GPR180: variants seen among roughly 807,000 people sequenced by gnomAD.
The protein encoded by GPR180 is integral membrane protein GPR180.
In GPR180, 53 loss-of-function variants were observed where a neutral mutation model predicts 52.6. That is an observed-to-expected ratio of 1.01 (90% CI 0.81 to 1.27). The LOEUF (loss-of-function observed/expected upper bound fraction) is 1.27, where lower values mean the gene tolerates loss of function less well. Among genes scored for constraint, GPR180 ranks in the 50% most tolerant of loss-of-function variants. The pLI is 0.00. For missense variants in GPR180, 533 were observed against 527.0 expected (o/e 1.01, Z -0.11); for synonymous variants, 200 against 193.1 (o/e 1.04, Z -0.30).
rs754441534 is a variant in GPR180 at position 94,605,562 on chromosome 13, T to C, written c.304+13T>C. On this transcript the variant is annotated intron_variant, in intron 2 of 8. Coordinates refer to ENST00000376958, the MANE Select transcript of GPR180 (RefSeq NM_180989.6). Reference sequence around the variant, plus strand: ...GCTCAGTTGACAAGTGAGTATATCCTTTTTTCTTTGATCATTAGATATAGT... The same window carrying C: ...GCTCAGTTGACAAGTGAGTATATCCCTTTTTCTTTGATCATTAGATATAGT... 2 of 1,599,438 alleles carry C rather than the reference T, an allele frequency of 1.3e-6. No homozygotes were observed. Among genetic ancestry groups the C allele is most frequent in the African/African-American group, 1.3e-5 (1 of 74,378 alleles).
intron 1 of GPR180, among the ~76,000 whole-genome samples, chr13:94,603,764 A>G (rs933692916): frequency 3.9e-5 from 6 of 152,160 alleles, no homozygotes; most frequent in Non-Finnish European, 8.8e-5. Flanking sequence ...TTCCAGGAGA[A>G]TAGAAGATCT....
Position 94,627,874 on chromosome 13 carries a change from A to G in GPR180, c.*703A>G, listed in dbSNP as rs940887844. On this transcript the variant is annotated 3_prime_UTR_variant, in exon 9 of 9. Coordinates refer to ENST00000376958, the MANE Select transcript of GPR180 (RefSeq NM_180989.6). The stretch of plus-strand genomic sequence containing the variant: ...GGTTGTAAGGACAAAGGATTTTAAA[A>G]TCTGAGCACTTAGGTGAAGGGACAA... The G allele has an allele frequency of 2.6e-5, 4 of 152,542 alleles. No homozygotes were observed. The highest frequency in any genetic ancestry group is 5.9e-5 in the Non-Finnish European group (4 of 67,962). The allele number at this position is 152,542 out of a possible 1,614,324, so 9.4% of individuals were successfully genotyped here. A position where few individuals can be genotyped will look rare whatever the true frequency, so the allele number is the denominator to read the frequency against.
rs6492724 is a variant in GPR180, at chr13:94,631,178, A to G, written c.*4007A>G. On this transcript the variant is annotated 3_prime_UTR_variant, in exon 9 of 9. Transcript: ENST00000376958. ...GTGCCAGCTTCTGCTGGACAACTCC[A>G]TCATTCACACTGGAGGATTAGAGGC... 59,577 of 151,924 alleles carry G rather than the reference A, an allele frequency of 0.39. 14,791 individuals are homozygous for G. Among genetic ancestry groups the G allele is most frequent in the African/African-American group, 0.7 (28,948 of 41,398 alleles). 9.4% of individuals were successfully genotyped at this position (151,924 alleles called of 1,614,324 possible). A position where few individuals can be genotyped will look rare whatever the true frequency, so the allele number is the denominator to read the frequency against.
rs1171197959 is a variant in GPR180, at chr13:94,633,334, CAAAACA to C, written c.*6170_*6175del. On this transcript the variant is annotated 3_prime_UTR_variant, in exon 9 of 9. Coordinates refer to ENST00000376958, the MANE Select transcript of GPR180 (RefSeq NM_180989.6). ...ATTGCAAATATCCTGATGATCCGTGCAAAACAAAAACACTTAACAGAAAATTACGTT... is the reference window on the plus strand; with the variant it reads ...ATTGCAAATATCCTGATGATCCGTGCAAAACACTTAACAGAAAATTACGTT... 1 of 152,040 alleles carries C rather than the reference CAAAACA, an allele frequency of 6.6e-6. No individual in the cohort carries two copies. Among genetic ancestry groups the C allele is most frequent in the Non-Finnish European group, 1.5e-5 (1 of 67,994 alleles). The allele number at this position is 152,040 out of a possible 1,614,324, so 9.4% of individuals were successfully genotyped here. A position where few individuals can be genotyped will look rare whatever the true frequency, so the allele number is the denominator to read the frequency against.
intron 8 of GPR180, 104 bp from the exon 9 acceptor site, chr13:94,626,909 G>T: frequency 2.5e-6 from 2 of 805,906 alleles, no homozygotes; most frequent in South Asian, 3.3e-5. Context: ...ATGAAAGATA[G>T]AGTATTGTAT....
chr13:94,633,784 T>C lies in GPR180; in HGVS notation c.*6613T>C, dbSNP rs1890029952. The C allele has an allele frequency of 6.6e-6, 1 of 152,146 alleles. No homozygotes were observed. Among genetic ancestry groups the C allele is most frequent in the Non-Finnish European group, 1.5e-5 (1 of 68,024 alleles). The allele number at this position is 152,146 out of a possible 1,614,324, so 9.4% of individuals were successfully genotyped here. A position where few individuals can be genotyped will look rare whatever the true frequency, so the allele number is the denominator to read the frequency against. ...GAAAAGCCTTAGCTCTTTGAGATTA[T>C]GTTTAAATGCCCTGTATTTTCATCT... On this transcript the variant is annotated 3_prime_UTR_variant, in exon 9 of 9. Coordinates refer to ENST00000376958, the MANE Select transcript of GPR180 (RefSeq NM_180989.6).
At chr13:94,607,477 C>T (rs530638628) in intron 2 of GPR180, among the ~76,000 whole-genome samples, 49 of 152,356 alleles carry the variant, frequency 3.2e-4, no homozygotes, top group African/African-American at 1.1e-3. Flanking sequence ...CAGTGCTACT[C>T]TGAGCCTTTG....
In GPR180 at chr13:94,601,869, G is replaced by A. The variant is rs1889555390; in HGVS notation, c.-59G>A. The A allele has an allele frequency of 9.0e-6, 12 of 1,329,658 alleles. No homozygotes were observed. Among genetic ancestry groups the A allele is most frequent in the Non-Finnish European group, 8.7e-6 (9 of 1,038,466 alleles). The allele number at this position is 1,329,658 out of a possible 1,614,324, so 82.4% of individuals were successfully genotyped here. On this transcript the variant is annotated 5_prime_UTR_variant, in exon 1 of 9. Coordinates refer to ENST00000376958, the MANE Select transcript of GPR180 (RefSeq NM_180989.6). ...CCCCGCCTCCCCCAGCTGCCGACGT[G>A]GGGCGGGCAGCCGCCGGCGGCTGGG...
chr13:94,619,063 A>C, intron 3 of GPR180, 87 bp from the exon 4 acceptor site: 1 of 1,028,614 alleles, frequency 9.7e-7, no homozygotes, highest in Non-Finnish European at 1.4e-6. Flanking sequence ...AAGTTCTAGA[A>C]ATATATTGAC....
intron 1 of GPR180, among the ~76,000 whole-genome samples, chr13:94,602,729 C>T (rs1031414956): frequency 6.6e-6 from 1 of 152,100 alleles, no homozygotes; most frequent in African/African-American, 2.4e-5. Flanking sequence ...ATCAGAGTTG[C>T]GTTTGATTTC....
At chr13:94,625,350 A>G (rs1458743706) in intron 7 of GPR180, among the ~76,000 whole-genome samples, 6 of 152,130 alleles carry the variant, frequency 3.9e-5, no homozygotes, top group African/African-American at 4.8e-5. Context: ...ACATTTTTCT[A>G]TATCTTGTTT....
intron 5 of GPR180, among the ~76,000 whole-genome samples, chr13:94,620,238 C>T (rs998776759): frequency 1.3e-5 from 2 of 152,192 alleles, no homozygotes; most frequent in South Asian, 2.1e-4. Flanking sequence ...TAATTCCACT[C>T]TCTGTTATAA....
chr13:94,619,118 A>G (rs557595228), intron 3 of GPR180, 32 bp from the exon 4 acceptor site: 12 of 1,574,242 alleles, frequency 7.6e-6, no homozygotes, highest in Non-Finnish European at 1.0e-5. Context: ...GCTTTGTTTT[A>G]CTGAAGCAAA....
chr13:94,624,232 TG>T (rs1472623686), intron 7 of GPR180, among the ~76,000 whole-genome samples: 1 of 151,692 alleles, frequency 6.6e-6, no homozygotes, highest in Non-Finnish European at 1.5e-5. Context: ...TCTGTCAGAT[TG>T]AGAGAATCCA....
At position 94,628,145 on chromosome 13, in the gene GPR180, C is replaced by T. The variant is rs1889950562; in HGVS notation, c.*974C>T. On this transcript the variant is annotated 3_prime_UTR_variant, in exon 9 of 9. Coordinates refer to ENST00000376958, the MANE Select transcript of GPR180 (RefSeq NM_180989.6). ...TTCTATGAATAATTGAAAAACAAAA[C>T]ACTCACTGGATTTGTTATAATCCGT... 1 of 152,462 alleles carries T rather than the reference C, an allele frequency of 6.6e-6. No homozygotes were observed. The highest frequency in any genetic ancestry group is 1.5e-5 in the Non-Finnish European group (1 of 67,922). The allele number at this position is 152,462 out of a possible 1,614,324, so 9.4% of individuals were successfully genotyped here. A position where few individuals can be genotyped will look rare whatever the true frequency, so the allele number is the denominator to read the frequency against.
At chr13:94,602,502 T>TTTA (rs59070049) in intron 1 of GPR180, among the ~76,000 whole-genome samples, 2 of 149,718 alleles carry the variant, frequency 1.3e-5, no homozygotes, top group Non-Finnish European at 3.0e-5. Context: ...TTTTTTTTTT[T>TTTA]AAAGACCAAT....
At chr13:94,614,909 C>T (rs916402299) in intron 3 of GPR180, among the ~76,000 whole-genome samples, 4 of 152,194 alleles carry the variant, frequency 2.6e-5, no homozygotes, top group Admixed American at 6.5e-5. Flanking sequence ...TATCCAAAAG[C>T]GTCCAGCCTT....
At chr13:94,605,862 T>G (rs1170778572) in intron 2 of GPR180, among the ~76,000 whole-genome samples, 1 of 152,270 alleles carries the variant, frequency 6.6e-6, no homozygotes, top group Non-Finnish European at 1.5e-5. Context: ...TGGTAACATT[T>G]GTTGAATGCT....
chr13:94,603,648 A>G (rs1754838531), intron 1 of GPR180, among the ~76,000 whole-genome samples: 1 of 152,224 alleles, frequency 6.6e-6, no homozygotes, highest in Non-Finnish European at 1.5e-5. Context: ...TAATCAATTT[A>G]TGTAAGAGAC....
Sources: allele counts gnomAD v4.1 joint callset (sites outside exome capture counted in the v4.1 genomes callset), GRCh38; gene constraint gnomAD v4.1.1; transcripts MANE v1.5; gene names NCBI Gene and HGNC (gene_info 2026-07-23, HGNC 2026-07-21).